The following KIAA1217 variants were observed in gnomAD, a reference collection of about 807,000 sequenced individuals.
KIAA1217 encodes KIAA1217.
Under a neutral mutation model 163.9 loss-of-function variants are expected in KIAA1217, and 88 were observed. That is an observed-to-expected ratio of 0.54 (90% CI 0.45 to 0.64). The LOEUF (loss-of-function observed/expected upper bound fraction) is 0.64. Among genes scored for constraint, KIAA1217 ranks in the 30% least tolerant of loss-of-function variants. The pLI, the probability that KIAA1217 is intolerant of heterozygous loss-of-function variation, is 0.00. For synonymous variants in KIAA1217, 903 were observed against 923.1 expected, an observed-to-expected ratio of 0.98 and a Z score of 0.39; for missense variants, 2,372 against 2,475.0, an observed-to-expected ratio of 0.96 and a Z score of 0.88.
intron 9 of KIAA1217, among the ~76,000 whole-genome samples, chr10:24,509,524 A>G (rs956594028): frequency 9.2e-5 from 14 of 152,166 alleles, no homozygotes; most frequent in African/African-American, 3.1e-4. Flanking sequence ...TGTATTTTCC[A>G]ATATTTCTTA....
intron 2 of KIAA1217, among the ~76,000 whole-genome samples, chr10:24,282,322 C>T (rs918330886): frequency 4.6e-5 from 7 of 152,082 alleles, no homozygotes; most frequent in Non-Finnish European, 8.8e-5. Flanking sequence ...GTCACACACA[C>T]CCCCACCTCT....
chr10:24,478,207 C>T (rs181120629), intron 6 of KIAA1217, among the ~76,000 whole-genome samples: 6 of 152,268 alleles, frequency 3.9e-5, no homozygotes, highest in Admixed American at 6.5e-5. Flanking sequence ...GGGAAAAATT[C>T]TTCCTTCCAC....
At chr10:24,013,885 T>C (rs1847358967) in intron 2 of KIAA1217, among the ~76,000 whole-genome samples, 1 of 152,040 alleles carries the variant, frequency 6.6e-6, no homozygotes, top group Non-Finnish European at 1.5e-5. Context: ...GAGGGAAAGA[T>C]GTGTGTGCTC....
chr10:24,451,931 C>G (rs544320219), intron 5 of KIAA1217, among the ~76,000 whole-genome samples: 1 of 152,252 alleles, frequency 6.6e-6, no homozygotes, highest in South Asian at 2.1e-4. Flanking sequence ...CCAGACCATA[C>G]TAGGCTGTTG....
chr10:24,069,596 G>T (rs1333114299), intron 2 of KIAA1217, among the ~76,000 whole-genome samples: 2 of 152,192 alleles, frequency 1.3e-5, no homozygotes, highest in East Asian at 1.9e-4. Context: ...TGTGCTGGGG[G>T]TAGGGGTTAT....
chr10:24,283,840 CATT>C (rs767489632), intron 2 of KIAA1217, among the ~76,000 whole-genome samples: 3 of 151,852 alleles, frequency 2.0e-5, no homozygotes, highest in Non-Finnish European at 4.4e-5. Flanking sequence ...AGTAGTATCA[CATT>C]GTTGTTTTAA....
At chr10:24,429,570 A>C (rs1420025599) in intron 3 of KIAA1217, among the ~76,000 whole-genome samples, 2 of 151,810 alleles carry the variant, frequency 1.3e-5, no homozygotes, top group Non-Finnish European at 2.9e-5. Flanking sequence ...TTTCTTCTTC[A>C]CTGAATTTTA....
intron 2 of KIAA1217, among the ~76,000 whole-genome samples, chr10:24,095,365 T>C (rs1254156106): frequency 6.6e-6 from 1 of 152,198 alleles, no homozygotes; most frequent in African/African-American, 2.4e-5. Flanking sequence ...GCTGTTCCTA[T>C]TCGGCCATCA....
chr10:24,345,951 CA>C (rs2047700228), intron 2 of KIAA1217, among the ~76,000 whole-genome samples: 1 of 152,160 alleles, frequency 6.6e-6, no homozygotes, highest in East Asian at 1.9e-4. Flanking sequence ...ATCCATTCAA[CA>C]ACAGCTCTCC....
At chr10:23,945,097 A>G (rs1175541316) in intron 1 of KIAA1217, among the ~76,000 whole-genome samples, 3 of 151,528 alleles carry the variant, frequency 2.0e-5, no homozygotes, top group Admixed American at 6.6e-5. Context: ...TACATCTATC[A>G]TCCAGTAAAT....
intron 1 of KIAA1217, among the ~76,000 whole-genome samples, chr10:23,963,624 T>C (rs1844919468): frequency 1.3e-5 from 2 of 152,194 alleles, no homozygotes; most frequent in South Asian, 4.1e-4. Flanking sequence ...CCTTTGAGTA[T>C]ATACCCAGTA....
At chr10:23,829,043 C>T (rs1433001564) in intron 1 of KIAA1217, among the ~76,000 whole-genome samples, 3 of 152,082 alleles carry the variant, frequency 2.0e-5, no homozygotes, top group Non-Finnish European at 4.4e-5. Context: ...ATGCAAAATC[C>T]CTTTTCCTAA....
chr10:23,713,147 G>A (rs1837362349), intron 1 of KIAA1217, among the ~76,000 whole-genome samples: 1 of 152,128 alleles, frequency 6.6e-6, no homozygotes, highest in Admixed American at 6.6e-5. Context: ...CAGATTACTA[G>A]GAAGCCACTG....
chr10:24,297,365 G>C (rs1824973229), intron 2 of KIAA1217, among the ~76,000 whole-genome samples: 1 of 152,198 alleles, frequency 6.6e-6, no homozygotes, highest in South Asian at 2.1e-4. Flanking sequence ...CCTAATGGAA[G>C]TAGCATCCAC....
intron 1 of KIAA1217, among the ~76,000 whole-genome samples, chr10:24,006,292 A>G (rs1291864726): frequency 6.6e-6 from 1 of 152,228 alleles, no homozygotes; most frequent in Non-Finnish European, 1.5e-5. Flanking sequence ...TCAAAACTCA[A>G]TAATGTGTTT....
At chr10:24,423,861 A>C (rs1309676517) in intron 3 of KIAA1217, among the ~76,000 whole-genome samples, 1 of 152,244 alleles carries the variant, frequency 6.6e-6, no homozygotes, top group Non-Finnish European at 1.5e-5. Context: ...ATTGGAATTT[A>C]GCTTAAAATT....
At position 24,473,850 on chromosome 10, in the gene KIAA1217, A is replaced by C. The variant is rs771247885; in HGVS notation, c.1469A>C (p.Tyr490Ser). 5 of 1,614,068 alleles carry C rather than the reference A, an allele frequency of 3.1e-6. No homozygotes were observed. Among genetic ancestry groups the C allele is most frequent in the Non-Finnish European group, 4.2e-6 (5 of 1,180,008 alleles). Residue 490 changes from tyrosine (Y) to serine (S), a missense_variant, in exon 6 of 21, where the codon TAT (tyrosine) becomes TCT (serine). Tyr to Ser is a moderately radical substitution (Grantham distance 144, BLOSUM62 -2). Coordinates refer to ENST00000376454, the MANE Select transcript of KIAA1217 (RefSeq NM_019590.5). ...DLRMIDMHAH[Y>S]NAHGPPHTMQ... The stretch of plus-strand genomic sequence containing the variant: ...AGGATGATAGACATGCACGCTCACT[A>C]TAATGCCCACGGCCCCCCTCACACC...
chr10:24,162,991 T>A (rs2065186752), intron 2 of KIAA1217, among the ~76,000 whole-genome samples: 1 of 152,188 alleles, frequency 6.6e-6, no homozygotes, highest in Non-Finnish European at 1.5e-5. Flanking sequence ...TCTTTTACAA[T>A]CCATCTTGGA....
At chr10:23,890,703 A>C (rs1332854762) in intron 1 of KIAA1217, among the ~76,000 whole-genome samples, 2 of 152,000 alleles carry the variant, frequency 1.3e-5, no homozygotes, top group African/African-American at 2.4e-5. Context: ...GTGCCATTGA[A>C]ACAAATATGT....
Sources: gnomAD v4.1 joint callset for allele counts (sites outside exome capture counted in the v4.1 genomes callset) on GRCh38, gnomAD v4.1.1 for gene constraint, MANE v1.5 for transcripts, NCBI Gene and HGNC (gene_info 2026-07-23, HGNC 2026-07-21) for gene names.